The following KIAA1328 variants were observed in gnomAD, a reference collection of about 807,000 sequenced individuals.
The protein encoded by KIAA1328 is protein hinderin.
A neutral mutation model predicts 68.1 loss-of-function variants in KIAA1328; 52 were observed. That is an observed-to-expected ratio of 0.76 (90% CI 0.61 to 0.96). The LOEUF is 0.96. Among genes scored for constraint, KIAA1328 ranks in the 40% least tolerant of loss-of-function variants. KIAA1328 has a pLI of 0.00. For synonymous variants in KIAA1328, 232 were observed against 239.4 expected (o/e 0.97, Z 0.28); for missense variants, 641 against 677.6 (o/e 0.95, Z 0.60).
intron 6 of KIAA1328, among the ~76,000 whole-genome samples, chr18:37,010,064 T>C (rs934447245): frequency 6.6e-6 from 1 of 152,154 alleles, no homozygotes; most frequent in African/African-American, 2.4e-5. Flanking sequence ...ATGGAAAATA[T>C]ACTTGCTGAG....
At chr18:37,115,578 G>T (rs1249396524) in intron 7 of KIAA1328, among the ~76,000 whole-genome samples, 4 of 152,162 alleles carry the variant, frequency 2.6e-5, no homozygotes, top group Admixed American at 2.6e-4. Flanking sequence ...GGCAAAAACT[G>T]GAAGCATTCC....
intron 8 of KIAA1328, among the ~76,000 whole-genome samples, chr18:37,170,656 A>G (rs2059482437): frequency 6.6e-6 from 1 of 152,094 alleles, no homozygotes; most frequent in Non-Finnish European, 1.5e-5. Flanking sequence ...CCATTTCTTA[A>G]TTCCTCAGAC....
At chr18:37,115,629 A>G (rs2058083881) in intron 7 of KIAA1328, among the ~76,000 whole-genome samples, 1 of 151,936 alleles carries the variant, frequency 6.6e-6, no homozygotes. Context: ...CTCTCTCACC[A>G]CTCCTGTTCA....
intron 8 of KIAA1328, among the ~76,000 whole-genome samples, chr18:37,168,699 G>A (rs1191219902): frequency 1.3e-5 from 2 of 152,060 alleles, no homozygotes; most frequent in Non-Finnish European, 2.9e-5. Flanking sequence ...AAGAATAGAA[G>A]GAAATAATTA....
intron 7 of KIAA1328, among the ~76,000 whole-genome samples, chr18:37,074,287 C>G (rs1231794720): frequency 6.6e-6 from 1 of 152,184 alleles, no homozygotes; most frequent in Non-Finnish European, 1.5e-5. Context: ...GCCCGGGAAA[C>G]TCACCACATT....
chr18:36,904,446 A>G (rs1167198924), intron 5 of KIAA1328, among the ~76,000 whole-genome samples: 1 of 152,090 alleles, frequency 6.6e-6, no homozygotes, highest in Non-Finnish European at 1.5e-5. Flanking sequence ...TCTTCTCCTA[A>G]TGAATTCACC....
At chr18:37,077,394 C>G (rs2056779514) in intron 7 of KIAA1328, among the ~76,000 whole-genome samples, 1 of 148,174 alleles carries the variant, frequency 6.7e-6, no homozygotes, top group Non-Finnish European at 1.5e-5. Flanking sequence ...TGGGCAAAAA[C>G]TGGAAGCATT....
At chr18:36,948,177 T>C (rs1433399466) in intron 5 of KIAA1328, among the ~76,000 whole-genome samples, 1 of 152,052 alleles carries the variant, frequency 6.6e-6, no homozygotes, top group Admixed American at 6.6e-5. Context: ...GCTCATGAAA[T>C]GTTTTCATTT....
intron 5 of KIAA1328, among the ~76,000 whole-genome samples, chr18:36,927,869 GAAAGAGAA>G (rs1348696135): frequency 2.6e-5 from 4 of 152,040 alleles, no homozygotes; most frequent in South Asian, 2.1e-4. Flanking sequence ...AGGAAAGAAA[GAAAGAGAA>G]AAAGAGAAAA....
chr18:36,880,292 A>G (rs2048286563), intron 4 of KIAA1328, among the ~76,000 whole-genome samples: 1 of 152,052 alleles, frequency 6.6e-6, no homozygotes, highest in South Asian at 2.1e-4. Flanking sequence ...GAGTTCCCCA[A>G]TGCCTTGCGC....
At chr18:36,996,388 A>C (rs1037938084) in intron 6 of KIAA1328, among the ~76,000 whole-genome samples, 1 of 152,214 alleles carries the variant, frequency 6.6e-6, no homozygotes, top group Non-Finnish European at 1.5e-5. Flanking sequence ...TACAGCTGTA[A>C]TGAGTAGAGC....
chr18:37,043,137 T>G (rs2055325604), intron 6 of KIAA1328, among the ~76,000 whole-genome samples: 1 of 152,222 alleles, frequency 6.6e-6, no homozygotes, highest in Admixed American at 6.5e-5. Flanking sequence ...TTGTTGCCAT[T>G]GTTGTACTTA....
intron 6 of KIAA1328, among the ~76,000 whole-genome samples, chr18:37,065,666 C>G (rs559705238): frequency 1.3e-4 from 20 of 152,190 alleles, no homozygotes; most frequent in Non-Finnish European, 2.9e-4. Flanking sequence ...AATGCACCTC[C>G]TTCAGTTTAG....
intron 3 of KIAA1328, among the ~76,000 whole-genome samples, chr18:36,843,754 A>G (rs752299203): frequency 6.6e-6 from 1 of 152,124 alleles, no homozygotes; most frequent in Non-Finnish European, 1.5e-5. Flanking sequence ...ATTGTTAGCT[A>G]TTGCTATTAT....
At chr18:36,882,604 A>G (rs569033851) in intron 4 of KIAA1328, among the ~76,000 whole-genome samples, 1 of 152,314 alleles carries the variant, frequency 6.6e-6, no homozygotes, top group South Asian at 2.1e-4. Context: ...ATAATTGCTA[A>G]AGGATAGTCA....
chr18:36,881,034 C>T (rs899584034), intron 4 of KIAA1328, among the ~76,000 whole-genome samples: 3 of 151,618 alleles, frequency 2.0e-5, no homozygotes, highest in African/African-American at 7.3e-5. Context: ...TTTTGTTTTT[C>T]ATAATACCCT....
chr18:37,154,776 C>T lies in KIAA1328; in HGVS notation c.1233-5424C>T, dbSNP rs148803910. 5.0e-4 allele frequency among the ~76,000 whole-genome samples: 76 copies of T among 152,242 alleles called. 1 individual carries two copies. The East Asian group carries it at 0.013, about 27-fold the overall frequency. Reference sequence around the variant, plus strand: ...CTCATGTTTATCACATACACCATACCAAGGGTTTTTATATTTCTGGTGTTG... The same window carrying T: ...CTCATGTTTATCACATACACCATACTAAGGGTTTTTATATTTCTGGTGTTG... On this transcript the variant is annotated intron_variant, in intron 7 of 9. Coordinates refer to ENST00000280020, the MANE Select transcript of KIAA1328 (RefSeq NM_020776.3).
chr18:36,949,716 T>G (rs952561122), intron 5 of KIAA1328, among the ~76,000 whole-genome samples: 47 of 151,588 alleles, frequency 3.1e-4, no homozygotes, highest in African/African-American at 1.1e-3. Context: ...TGGCTCATGT[T>G]TTTGTTCAGG....
chr18:36,839,583 G>T (rs778966371), intron 3 of KIAA1328, among the ~76,000 whole-genome samples: 9 of 152,142 alleles, frequency 5.9e-5, no homozygotes, highest in Non-Finnish European at 1.3e-4. Context: ...ATTATAGGCT[G>T]TATTTTTCTG....
Sources: allele counts gnomAD v4.1 joint callset (sites outside exome capture counted in the v4.1 genomes callset), GRCh38; gene constraint gnomAD v4.1.1; transcripts MANE v1.5; gene names NCBI Gene and HGNC (gene_info 2026-07-23, HGNC 2026-07-21).